Variants in FAM118A observed in about 807,000 individuals in gnomAD.
The protein encoded by FAM118A is SIR2 antiphage like 2, also known as protein FAM118A.
A neutral mutation model predicts 38.2 loss-of-function variants in FAM118A; 25 were observed. That is an observed-to-expected ratio of 0.65 (90% CI 0.48 to 0.91). The LOEUF is 0.91. FAM118A is among the 40% of genes least tolerant of loss of function. The pLI is 0.00. For missense variants in FAM118A, 425 were observed against 463.3 expected (o/e 0.92, Z 0.76); for synonymous variants, 178 against 184.1 (o/e 0.97, Z 0.27).
At chr22:45,335,185 A>G in intron 6 of FAM118A, 165 bp from the exon 7 acceptor site, 1 of 657,404 alleles carries the variant, frequency 1.5e-6, no homozygotes, top group Non-Finnish European at 2.7e-6. Context: ...CCTGGGAGGT[A>G]GAGGTGAGGG....
At chr22:45,310,506 G>A (rs1569115248) in intron 1 of FAM118A, among the ~76,000 whole-genome samples, 1 of 152,152 alleles carries the variant, frequency 6.6e-6, no homozygotes, top group Non-Finnish European at 1.5e-5. Flanking sequence ...CAGGCCCGGG[G>A]CATCTTCCTG....
chr22:45,335,273 G>T, intron 6 of FAM118A, 77 bp from the exon 7 acceptor site: 1 of 1,563,690 alleles, frequency 6.4e-7, no homozygotes, highest in Non-Finnish European at 8.8e-7. Context: ...GCCGTTCCCA[G>T]TCACTGCCTC....
At position 45,330,639 on chromosome 22, in the gene FAM118A, G is replaced by A. The variant is rs546374745; in HGVS notation, c.559G>A (p.Val187Ile). ...GGCAAGAGGGCACATGAAGTACGGC[G>A]TCCTCCACATTCACGGCCTCTACAC... is the stretch of plus-strand genomic sequence containing the variant. ...EWARGHMKYG[V>I]LHIHGLYTDP... The change falls in exon 5 of 9, where the codon GTC (valine) becomes ATC (isoleucine). Residue 187 changes from valine (V) to isoleucine (I), a missense_variant. Val to Ile is a conservative substitution (Grantham distance 29, BLOSUM62 3). Coordinates refer to ENST00000441876, the MANE Select transcript of FAM118A (RefSeq NM_017911.4). The A allele has an allele frequency of 1.3e-5, 21 of 1,596,568 alleles. No individual in the cohort carries two copies. Among genetic ancestry groups the A allele is most frequent in the South Asian group, 1.1e-4 (10 of 88,484 alleles).
chr22:45,340,363 A>T, intron 8 of FAM118A, 23 bp from the exon 9 acceptor site: 1 of 1,614,066 alleles, frequency 6.2e-7, no homozygotes, highest in Middle Eastern at 1.7e-4. Context: ...ACCCTTGGGC[A>T]TTTCATTCTT....
intron 6 of FAM118A, among the ~76,000 whole-genome samples, chr22:45,334,834 C>T (rs925322346): frequency 1.3e-5 from 2 of 152,148 alleles, no homozygotes; most frequent in African/African-American, 2.4e-5. Context: ...CCCCGTCCGC[C>T]GCTTCTCATT....
rs1253696884 is a variant in FAM118A, at chr22:45,330,668, C to T, written c.588C>T (p.Asp196=). ...TCCACATTCACGGCCTCTACACGGA[C>T]CCCTGCGGGGTGGTGCTGGACCCAT... is the stretch of plus-strand genomic sequence containing the variant. ...GVLHIHGLYT[D]PCGVVLDPSG... The change falls in exon 5 of 9, where the codon GAC becomes GAT. Residue 196 remains aspartate (D), a synonymous_variant. Coordinates refer to ENST00000441876, the MANE Select transcript of FAM118A (RefSeq NM_017911.4). 1.9e-6 allele frequency: 3 copies of T among 1,605,096 alleles called. No homozygotes were observed. The highest frequency in any genetic ancestry group is 2.5e-6 in the Non-Finnish European group (3 of 1,176,818).
chr22:45,337,715 C>A, intron 8 of FAM118A: 1 of 437,468 alleles, frequency 2.3e-6, no homozygotes, highest in Non-Finnish European at 3.0e-6. Context: ...CTCCTTCTCT[C>A]TGAGATGGAG....
At chr22:45,332,316 A>C in intron 5 of FAM118A, 109 bp from the exon 6 acceptor site, 1 of 1,178,160 alleles carries the variant, frequency 8.5e-7, no homozygotes, top group Non-Finnish European at 1.2e-6. Context: ...GGCCCTGGGA[A>C]CGCCTGTCAG....
chr22:45,340,808 CTTTTT>C lies in FAM118A; in HGVS notation c.*410_*414del. On this transcript the variant is annotated 3_prime_UTR_variant, in exon 9 of 9. Coordinates refer to ENST00000441876, the MANE Select transcript of FAM118A (RefSeq NM_017911.4). ...CCAAAGAGAAAATACGAAATAGACA[CTTTTT>C]TTTTTTGAGTCAGAGTCTCACTCTG... 5.4e-6 allele frequency: 1 copy of C among 186,706 alleles called. No homozygotes were observed. Among genetic ancestry groups the C allele is most frequent in the Non-Finnish European group, 1.1e-5 (1 of 91,222 alleles). 11.6% of individuals were successfully genotyped at this position (186,706 alleles called of 1,614,324 possible).
intron 6 of FAM118A, among the ~76,000 whole-genome samples, chr22:45,333,890 A>G (rs1221234138): frequency 6.6e-6 from 1 of 152,188 alleles, no homozygotes; most frequent in Non-Finnish European, 1.5e-5. Context: ...GCACACATGT[A>G]TAGCTGGACA....
rs1418316095 is a variant in FAM118A, at chr22:45,314,763, C to T, written c.-10+4580C>T. 6.6e-5 allele frequency among the ~76,000 whole-genome samples: 10 copies of T among 152,152 alleles called. No individual in the cohort carries two copies. In the East Asian group the frequency reaches 9.6e-4, roughly 15 times the overall value. On this transcript the variant is annotated intron_variant, in intron 1 of 8. Coordinates refer to ENST00000441876, the MANE Select transcript of FAM118A (RefSeq NM_017911.4). ...TTTAACATTGGCTTGTTAAGTAACA[C>T]GTTTATTTGAGTTAATGTGTCACAT... is the stretch of plus-strand genomic sequence containing the variant.
At chr22:45,314,723 T>G (rs1366138445) in intron 1 of FAM118A, among the ~76,000 whole-genome samples, 1 of 152,250 alleles carries the variant, frequency 6.6e-6, no homozygotes, top group Non-Finnish European at 1.5e-5. Context: ...GCCCCTGGCC[T>G]CTGTCTTGGC....
chr22:45,340,245 T>A, intron 8 of FAM118A, 141 bp from the exon 9 acceptor site: 1 of 853,144 alleles, frequency 1.2e-6, no homozygotes, highest in Non-Finnish European at 1.9e-6. Context: ...CAGTGGCTAC[T>A]GTTTCCATTG....
intron 1 of FAM118A, among the ~76,000 whole-genome samples, chr22:45,313,079 C>T (rs73440432): frequency 0.17 from 25,702 of 151,954 alleles, 3,402 homozygotes; most frequent in African/African-American, 0.37. Context: ...GGCCTATCTG[C>T]GTCAATCAGC....
intron 1 of FAM118A, 104 bp from the exon 2 acceptor site, chr22:45,322,267 T>A: frequency 1.3e-6 from 2 of 1,576,756 alleles, no homozygotes; most frequent in Non-Finnish European, 1.7e-6. Context: ...AAGTAAAGAT[T>A]GAGGACCTTT....
Position 45,340,513 on chromosome 22 carries a change from C to A in FAM118A, c.*108C>A. Reference sequence around the variant, plus strand: ...CCACGTGGATCTCTGATTGCGAAACCGTCACATACACCAAGAGAGCCACAT... The same window carrying A: ...CCACGTGGATCTCTGATTGCGAAACAGTCACATACACCAAGAGAGCCACAT... On this transcript the variant is annotated 3_prime_UTR_variant, in exon 9 of 9. Coordinates refer to ENST00000441876, the MANE Select transcript of FAM118A (RefSeq NM_017911.4). 7.6e-7 allele frequency: 1 copy of A among 1,323,548 alleles called. No individual in the cohort carries two copies. The highest frequency in any genetic ancestry group is 1.2e-5 in the South Asian group (1 of 84,696). 82.0% of individuals were successfully genotyped at this position (1,323,548 alleles called of 1,614,324 possible). A position where few individuals can be genotyped will look rare whatever the true frequency, so the allele number is the denominator to read the frequency against.
intron 1 of FAM118A, among the ~76,000 whole-genome samples, chr22:45,312,439 G>A (rs1052980412): frequency 2.0e-5 from 3 of 152,154 alleles, no homozygotes; most frequent in Non-Finnish European, 2.9e-5. Context: ...TTGGTAGGCC[G>A]AGGAGGGTAG....
chr22:45,331,453 G>A (rs190457828), intron 5 of FAM118A, among the ~76,000 whole-genome samples: 20 of 152,258 alleles, frequency 1.3e-4, no homozygotes, highest in Non-Finnish European at 2.4e-4. Context: ...AAAGCTCACT[G>A]CTTCCTTGAA....
chr22:45,318,554 T>TA (rs2084708482), intron 1 of FAM118A: 1 of 152,228 alleles, frequency 6.6e-6, no homozygotes, highest in Admixed American at 6.5e-5. Context: ...GATTTTGGTT[T>TA]AAAAACAAGG....
Sources: gnomAD v4.1 joint callset for allele counts (sites outside exome capture counted in the v4.1 genomes callset) on GRCh38, gnomAD v4.1.1 for gene constraint, MANE v1.5 for transcripts, NCBI Gene and HGNC (gene_info 2026-07-23, HGNC 2026-07-21) for gene names.